The following LMCD1 variants were observed in gnomAD, a reference collection of about 807,000 sequenced individuals.
LMCD1 encodes LIM and cysteine rich domains 1, also known as LIM and cysteine-rich domains protein 1.
Under a neutral mutation model 42.7 loss-of-function variants are expected in LMCD1, and 32 were observed. The observed-to-expected ratio is 0.75, with a 90% CI of 0.57 to 1.01. LMCD1 has a LOEUF of 1.01. Among genes scored for constraint, LMCD1 ranks in the 50% least tolerant of loss-of-function variants. The pLI is 0.00. For missense variants in LMCD1, 458 were observed against 483.1 expected (o/e 0.95, Z 0.49); for synonymous variants, 178 against 184.9 (o/e 0.96, Z 0.30).
At position 8,502,302 on chromosome 3, in the gene LMCD1, AT is replaced by A. The variant is rs1559342036; in HGVS notation, c.42+323del. On this transcript the variant is annotated intron_variant, in intron 1 of 5. Coordinates refer to ENST00000157600, the MANE Select transcript of LMCD1 (RefSeq NM_014583.4). The stretch of plus-strand genomic sequence containing the variant: ...AAAATATATATAATATATATTATAT[AT>A]AATATATAAAATATATATTATATAT... 7.3e-3 allele frequency among the ~76,000 whole-genome samples: 171 copies of A among 23,408 alleles called. 10 individuals carry two copies. Among genetic ancestry groups the A allele is most frequent in the African/African-American group, 0.026 (165 of 6,308 alleles). The allele number at this position is 23,408 out of a possible 152,430, so 15.4% of individuals were successfully genotyped here.
intron 3 of LMCD1, among the ~76,000 whole-genome samples, chr3:8,547,816 G>A (rs949616865): frequency 6.6e-6 from 1 of 151,564 alleles, no homozygotes; most frequent in Non-Finnish European, 1.5e-5. Context: ...AACCCGGGAG[G>A]CAGAGCTTGC....
chr3:8,565,655 A>G lies in LMCD1; in HGVS notation c.939+8A>G, dbSNP rs1377735530. On this transcript the variant is annotated splice_region_variant and intron_variant, in intron 5 of 5. Coordinates refer to ENST00000157600, the MANE Select transcript of LMCD1 (RefSeq NM_014583.4). Reference sequence around the variant, plus strand: ...TGCTCCGGCTGCGATGAGGTGGGAGATAGCCGCGAGATGGGTTAGGGGGCT... The same window carrying G: ...TGCTCCGGCTGCGATGAGGTGGGAGGTAGCCGCGAGATGGGTTAGGGGGCT... The G allele has an allele frequency of 6.3e-7, 1 of 1,581,882 alleles. No individual in the cohort carries two copies. Among genetic ancestry groups the G allele is most frequent in the Non-Finnish European group, 8.6e-7 (1 of 1,164,248 alleles).
At chr3:8,517,011 C>T (rs149014498) in intron 1 of LMCD1, among the ~76,000 whole-genome samples, 1 of 152,216 alleles carries the variant, frequency 6.6e-6, no homozygotes, top group Admixed American at 6.5e-5. Context: ...ACAATCATCC[C>T]ATTTTGCAGA....
intron 1 of LMCD1, among the ~76,000 whole-genome samples, chr3:8,526,287 C>T (rs1458196580): frequency 6.6e-6 from 1 of 152,138 alleles, no homozygotes; most frequent in African/African-American, 2.4e-5. Flanking sequence ...CTGGAAGAGG[C>T]TCTTTGGCAT....
At chr3:8,547,182 CAGAT>C (rs1341788902) in intron 3 of LMCD1, among the ~76,000 whole-genome samples, 3 of 152,178 alleles carry the variant, frequency 2.0e-5, no homozygotes, top group Non-Finnish European at 2.9e-5. Flanking sequence ...ACTTAACCAA[CAGAT>C]AGAGCACACA....
intron 3 of LMCD1, among the ~76,000 whole-genome samples, chr3:8,542,934 T>C (rs908715009): frequency 2.0e-5 from 3 of 152,154 alleles, no homozygotes; most frequent in African/African-American, 7.2e-5. Context: ...GCTGTTCCTA[T>C]CATCTCTTCA....
At chr3:8,538,290 G>A (rs1009451378) in intron 3 of LMCD1, among the ~76,000 whole-genome samples, 2 of 152,188 alleles carry the variant, frequency 1.3e-5, no homozygotes, top group Non-Finnish European at 2.9e-5. Flanking sequence ...GATACCGCAC[G>A]CCTGACATAC....
At position 8,558,664 on chromosome 3, in the gene LMCD1, A is replaced by G. The variant is rs138834018; in HGVS notation, c.724-6768A>G. Among the ~76,000 whole-genome samples the G allele has an allele frequency of 1.1e-3, 174 of 152,354 alleles. 1 individual carries two copies. The highest frequency in any genetic ancestry group is 4.0e-3 in the African/African-American group (166 of 41,596). On this transcript the variant is annotated intron_variant, in intron 4 of 5. Coordinates refer to ENST00000157600, the MANE Select transcript of LMCD1 (RefSeq NM_014583.4). The stretch of plus-strand genomic sequence containing the variant: ...AGTCCCAAAGAACTTCCATTTGACC[A>G]TACTAGCTCCTTAATAGGGGAAGTA...
At chr3:8,563,075 G>A (rs557362717) in intron 4 of LMCD1, among the ~76,000 whole-genome samples, 12 of 152,238 alleles carry the variant, frequency 7.9e-5, no homozygotes, top group African/African-American at 2.9e-4. Flanking sequence ...GAAGTATGAG[G>A]TGGGAGGGCA....
Position 8,573,888 on chromosome 3 carries a change from AAAG to A in LMCD1, c.*6296_*6298del, listed in dbSNP as rs1274214767. ...ACTGGTTTAAACCTAAAAAAAAAAAAAAGAAGAAAAGAAAAGAAAAAATATGAG... is the reference window on the plus strand; with the variant it reads ...ACTGGTTTAAACCTAAAAAAAAAAAAAAGAAAAGAAAAGAAAAAATATGAG... On this transcript the variant is annotated 3_prime_UTR_variant, in exon 6 of 6. Coordinates refer to ENST00000157600, the MANE Select transcript of LMCD1 (RefSeq NM_014583.4). The A allele has an allele frequency of 6.6e-6, 1 of 152,036 alleles. No individual in the cohort carries two copies. Among genetic ancestry groups the A allele is most frequent in the Admixed American group, 6.5e-5 (1 of 15,280 alleles). 9.4% of individuals were successfully genotyped at this position (152,036 alleles called of 1,614,324 possible). A position where few individuals can be genotyped will look rare whatever the true frequency, so the allele number is the denominator to read the frequency against.
intron 3 of LMCD1, among the ~76,000 whole-genome samples, chr3:8,543,908 G>A (rs1178940684): frequency 6.6e-6 from 1 of 152,122 alleles, no homozygotes; most frequent in African/African-American, 2.4e-5. Context: ...TGACATATTT[G>A]TGCTAAAAGC....
intron 5 of LMCD1, among the ~76,000 whole-genome samples, chr3:8,566,083 A>G (rs1453548166): frequency 1.3e-5 from 2 of 152,366 alleles, no homozygotes; most frequent in East Asian, 3.9e-4. Flanking sequence ...ATGAGGATAG[A>G]TGAGATAATG....
chr3:8,557,781 G>A (rs895679785), intron 4 of LMCD1, among the ~76,000 whole-genome samples: 6 of 152,222 alleles, frequency 3.9e-5, no homozygotes, highest in African/African-American at 1.4e-4. Context: ...AAACCAACAT[G>A]TATTTTGCTC....
At chr3:8,547,746 A>AGCCAGGC (rs59400496) in intron 3 of LMCD1, among the ~76,000 whole-genome samples, 3 of 151,536 alleles carry the variant, frequency 2.0e-5, no homozygotes, top group East Asian at 1.9e-4. Flanking sequence ...CAAAAAAATT[A>AGCCAGGC]GCAGTGGCGG....
intron 1 of LMCD1, among the ~76,000 whole-genome samples, chr3:8,514,419 A>G (rs1007229075): frequency 6.6e-6 from 1 of 152,242 alleles, no homozygotes. Flanking sequence ...GGGAGAATAT[A>G]AAATGATACA....
chr3:8,542,592 C>T (rs1386627269), intron 3 of LMCD1, among the ~76,000 whole-genome samples: 1 of 152,204 alleles, frequency 6.6e-6, no homozygotes, highest in African/African-American at 2.4e-5. Flanking sequence ...ATCCTGTTAC[C>T]ACTTGATGCT....
At chr3:8,551,072 A>C in intron 4 of LMCD1, 1 of 985,446 alleles carries the variant, frequency 1.0e-6, no homozygotes, top group Non-Finnish European at 1.2e-6. Context: ...GGGATTCCAA[A>C]GGAAGCCTTT....
At position 8,550,975 on chromosome 3, in the gene LMCD1, G is replaced by C. The variant is rs1694829658; in HGVS notation, c.723+2072G>C. 3.0e-6 allele frequency: 3 copies of C among 985,250 alleles called. No individual in the cohort carries two copies. The South Asian group carries it at 1.4e-4, about 46-fold the overall frequency. The allele number at this position is 985,250 out of a possible 1,614,324, so 61.0% of individuals were successfully genotyped here. On this transcript the variant is annotated intron_variant, in intron 4 of 5. Transcript: ENST00000157600. Reference sequence around the variant, plus strand: ...GAACCCGGGTCCTTGCCTACAGTCAGCTTTAGGAAATGATTGTGAACTTGG... The same window carrying C: ...GAACCCGGGTCCTTGCCTACAGTCACCTTTAGGAAATGATTGTGAACTTGG...
intron 4 of LMCD1, among the ~76,000 whole-genome samples, chr3:8,552,917 G>T (rs1482943299): frequency 5.3e-5 from 8 of 152,112 alleles, no homozygotes; most frequent in African/African-American, 1.9e-4. Flanking sequence ...TAGAGATGGG[G>T]TTTCATCGTG....
Sources: allele counts gnomAD v4.1 joint callset (sites outside exome capture counted in the v4.1 genomes callset), GRCh38; gene constraint gnomAD v4.1.1; transcripts MANE v1.5; gene names NCBI Gene and HGNC (gene_info 2026-07-23, HGNC 2026-07-21).